The following TENM2 variants were observed in gnomAD, a reference collection of about 807,000 sequenced individuals.
TENM2 encodes the protein teneurin-2.
A neutral mutation model predicts 245.2 loss-of-function variants in TENM2; 52 were observed. The observed-to-expected ratio is 0.21, with a 90% confidence interval of 0.17 to 0.27. The LOEUF is 0.27. TENM2 is among the 10% of genes least tolerant of loss of function. The probability of loss-of-function intolerance (pLI) is 1.00; values close to 1 mark genes in which losing one functional copy is unlikely to be tolerated. For missense variants in TENM2, 3,046 were observed against 3,666.8 expected (o/e 0.83, Z 4.37); for synonymous variants, 1,363 against 1,438.9 (o/e 0.95, Z 1.19).
the TENM2 span, among the ~76,000 whole-genome samples, chr5:167,016,525 G>A: frequency 6.6e-6 from 1 of 152,068 alleles, no homozygotes; most frequent in Non-Finnish European, 1.5e-5. Context: ...TTTTTCTCCT[G>A]TCTTAACTTT....
At chr5:168,015,544 C>T (rs915850816) in intron 5 of TENM2, among the ~76,000 whole-genome samples, 46 of 152,338 alleles carry the variant, frequency 3.0e-4, no homozygotes, top group African/African-American at 1.0e-3. Flanking sequence ...GCAAAGAAGA[C>T]TAAGGCACTT....
chr5:168,214,878 G>A, intron 20 of TENM2, 162 bp from the exon 23 acceptor site: 1 of 706,202 alleles, frequency 1.4e-6, no homozygotes, highest in Non-Finnish European at 2.6e-6. Context: ...GAACCATGAT[G>A]TGTTAGAACA....
At chr5:167,754,823 G>A (rs1762189841) in intron 2 of TENM2, 2 of 399,160 alleles carry the variant, frequency 5.0e-6, no homozygotes, top group Non-Finnish European at 4.4e-6. Context: ...TTGGCATTTG[G>A]CTGGCAGCGG....
intron 2 of TENM2, among the ~76,000 whole-genome samples, chr5:167,645,095 T>C (rs1779844943): frequency 1.3e-5 from 2 of 152,168 alleles, no homozygotes; most frequent in Admixed American, 1.3e-4. Flanking sequence ...AGTATTATAA[T>C]TTCATGGGAT....
the TENM2 span, among the ~76,000 whole-genome samples, chr5:167,084,354 T>C: frequency 3.6e-5 from 4 of 111,784 alleles, no homozygotes; most frequent in African/African-American, 1.2e-4. Context: ...TATATATATA[T>C]ATATATATAT....
chr5:167,244,757 A>G, the TENM2 span, among the ~76,000 whole-genome samples: 2 of 152,130 alleles, frequency 1.3e-5, no homozygotes. Context: ...TCAGTCTCCC[A>G]AGGGGTAGAG....
chr5:167,110,933 A>G, the TENM2 span, among the ~76,000 whole-genome samples: 1 of 152,188 alleles, frequency 6.6e-6, no homozygotes, highest in African/African-American at 2.4e-5. Context: ...AGGCAAATGC[A>G]TTCTTTCCTT....
intron 2 of TENM2, among the ~76,000 whole-genome samples, chr5:167,701,658 C>A (rs1432100396): frequency 6.6e-6 from 1 of 152,070 alleles, no homozygotes; most frequent in African/African-American, 2.4e-5. Context: ...ATAGATTGTT[C>A]TAAGGGTTCA....
intron 7 of TENM2, among the ~76,000 whole-genome samples, chr5:168,084,523 G>A (rs1344885542): frequency 6.6e-6 from 1 of 152,154 alleles, no homozygotes; most frequent in Non-Finnish European, 1.5e-5. Context: ...GGGTAGTCAG[G>A]GAAGCCCTCT....
chr5:167,389,249 A>AATATAT lies in TENM2; in HGVS notation c.502+13793_502+13798dup, dbSNP rs61126047. 2.7e-3 allele frequency among the ~76,000 whole-genome samples: 402 copies of AATATAT among 146,938 alleles called. 2 individuals are homozygous for AATATAT. Among genetic ancestry groups the AATATAT allele is most frequent in the African/African-American group, 9.5e-3 (384 of 40,536 alleles). ...GTGCGTATATATATAGTGCATTTAA[A>AATATAT]ATATATATATATATATATATATCCA... is the stretch of plus-strand genomic sequence containing the variant. On this transcript the variant is annotated intron_variant, in intron 2 of 28. Transcript: ENST00000518659.
chr5:167,329,626 G>T (rs1446338221), intron 1 of TENM2, among the ~76,000 whole-genome samples: 1 of 149,248 alleles, frequency 6.7e-6, no homozygotes, highest in African/African-American at 2.5e-5. Flanking sequence ...TTTTGGAAAT[G>T]GTGTGCAGCA....
intron 2 of TENM2, among the ~76,000 whole-genome samples, chr5:167,405,712 A>G (rs546438116): frequency 6.6e-6 from 1 of 151,406 alleles, no homozygotes; most frequent in Non-Finnish European, 1.5e-5. Context: ...TAATTTTAGG[A>G]CATAAGCCCC....
intron 7 of TENM2, among the ~76,000 whole-genome samples, chr5:168,084,300 T>TCAACTC (rs1234463427): frequency 6.6e-6 from 1 of 152,202 alleles, no homozygotes; most frequent in Non-Finnish European, 1.5e-5. Context: ...AGTTGAATGG[T>TCAACTC]AGTTCTGTTT....
intron 2 of TENM2, among the ~76,000 whole-genome samples, chr5:167,515,926 T>C (rs1042763150): frequency 8.6e-5 from 13 of 152,024 alleles, no homozygotes; most frequent in African/African-American, 2.9e-4. Context: ...CCAAAGGAAA[T>C]GTTATGCATG....
At chr5:167,224,229 T>C in the TENM2 span, among the ~76,000 whole-genome samples, 1 of 152,054 alleles carries the variant, frequency 6.6e-6, no homozygotes, top group South Asian at 2.1e-4. Flanking sequence ...GTTTTTGTTG[T>C]CTGTGCTTTT....
At chr5:168,182,685 A>G (rs1027067053) in intron 13 of TENM2, among the ~76,000 whole-genome samples, 11 of 152,076 alleles carry the variant, frequency 7.2e-5, no homozygotes, top group South Asian at 4.1e-4. Context: ...GAGCTTTGGG[A>G]TGACTCCCTT....
the TENM2 span, among the ~76,000 whole-genome samples, chr5:167,238,036 A>AAAT: frequency 6.7e-6 from 1 of 150,152 alleles, no homozygotes; most frequent in African/African-American, 2.5e-5. Context: ...AAAAAAAAGA[A>AAAT]GTGCTGCATC....
At chr5:168,149,314 A>T in intron 12 of TENM2, 2 of 455,448 alleles carry the variant, frequency 4.4e-6, no homozygotes, top group Admixed American at 2.4e-5. Flanking sequence ...TATTTTTAGT[A>T]TGAAAAAGCA....
intron 28 of TENM2, 57 bp downstream of exon 30, chr5:168,260,470 C>T (rs1768081742): frequency 6.3e-7 from 1 of 1,599,662 alleles, no homozygotes; most frequent in Non-Finnish European, 8.5e-7. Context: ...CTTTTGCAAA[C>T]AGAACCTCAT....
Sources: allele counts gnomAD v4.1 joint callset (sites outside exome capture counted in the v4.1 genomes callset), GRCh38; gene constraint gnomAD v4.1.1; transcripts MANE v1.5; gene names NCBI Gene and HGNC (gene_info 2026-07-23, HGNC 2026-07-21).